Variants in SLC9A2 observed in about 807,000 individuals in gnomAD.
The protein encoded by SLC9A2 is solute carrier family 9 member A2, also known as sodium/hydrogen exchanger 2.
SLC9A2 carries 42 observed loss-of-function variants against 71.7 expected under a neutral mutation model. The ratio of observed to expected loss-of-function variants is 0.59; its 90% CI spans 0.46 to 0.76. The LOEUF (loss-of-function observed/expected upper bound fraction) is 0.76. Among genes scored for constraint, SLC9A2 ranks in the 30% least tolerant of loss-of-function variants. SLC9A2 has a pLI of 0.00. For synonymous variants in SLC9A2, 396 were observed against 392.5 expected (o/e 1.01, Z -0.10); for missense variants, 829 against 1,017.4 (o/e 0.81, Z 2.52).
intron 1 of SLC9A2, among the ~76,000 whole-genome samples, chr2:102,642,874 G>T (rs192751460): frequency 2.6e-5 from 4 of 152,184 alleles, no homozygotes; most frequent in Admixed American, 2.6e-4. Context: ...CTTCATATTG[G>T]TTGAGGGCTA....
At chr2:102,701,379 A>T (rs781397612) in intron 8 of SLC9A2, 148 bp downstream of exon 8, 1 of 575,282 alleles carries the variant, frequency 1.7e-6, no homozygotes, top group Non-Finnish European at 2.9e-6. Context: ...GGCATGAGCC[A>T]CTGTGCCCAG....
chr2:102,665,350 C>T lies in SLC9A2; in HGVS notation c.1004C>T (p.Ala335Val), dbSNP rs776620117. Reference protein sequence around the residue: ...AEMFHLSGIMAITACAMTMNK... With the variant: ...AEMFHLSGIMVITACAMTMNK... ...ATGTTTCACCTCTCAGGCATCATGGCGTAAGTACTTCTTTGTTAAAAGTGC... is the reference window on the plus strand; with the variant it reads ...ATGTTTCACCTCTCAGGCATCATGGTGTAAGTACTTCTTTGTTAAAAGTGC... The change falls in exon 3 of 12, where the codon GCA becomes GTA. Residue 335 changes from alanine (A) to valine (V), a missense_variant and splice_region_variant. Ala to Val is a moderately conservative substitution (Grantham distance 64). Transcript: ENST00000233969. The T allele has an allele frequency of 4.4e-6, 7 of 1,608,318 alleles. No homozygotes were observed. The highest frequency in any genetic ancestry group is 1.3e-5 in the African/African-American group (1 of 74,724).
At chr2:102,684,687 G>C (rs1677514050) in intron 5 of SLC9A2, among the ~76,000 whole-genome samples, 1 of 152,196 alleles carries the variant, frequency 6.6e-6, no homozygotes, top group Non-Finnish European at 1.5e-5. Flanking sequence ...ACAGCTATTT[G>C]ACATGAGTTG....
chr2:102,638,685 T>C (rs1437900353), intron 1 of SLC9A2, among the ~76,000 whole-genome samples: 3 of 152,236 alleles, frequency 2.0e-5, no homozygotes, highest in Non-Finnish European at 2.9e-5. Flanking sequence ...AGTGTGGAGA[T>C]GCACTTTCTT....
rs145995419 is a variant in SLC9A2, at chr2:102,708,536, G to A, written c.*47G>A. The A allele has an allele frequency of 2.2e-4, 352 of 1,569,290 alleles. No individual in the cohort carries two copies. In the African/African-American group the frequency reaches 4.2e-3, roughly 19 times the overall value. On this transcript the variant is annotated 3_prime_UTR_variant, in exon 12 of 12. Transcript: ENST00000233969. ...TGAGTGTCTGACCCAGGACAGCTGT[G>A]GTTTGTCACTCTGAAACCTGATGCA...
intron 3 of SLC9A2, among the ~76,000 whole-genome samples, chr2:102,676,167 A>G (rs1677342639): frequency 6.6e-6 from 1 of 152,222 alleles, no homozygotes. Context: ...TGTTGCATGC[A>G]GGTTTCACAT....
chr2:102,658,028 G>A lies in SLC9A2; in HGVS notation c.753+1G>A, dbSNP rs1676978129. 1.3e-6 allele frequency: 2 copies of A among 1,594,214 alleles called. No individual in the cohort carries two copies. The highest frequency in any genetic ancestry group is 8.6e-7 in the Non-Finnish European group (1 of 1,169,500). ...CCTGCTGAATGATGCAGTAACAGTGGTGAGTCACATTCACACTGCATGACT... is the reference window on the plus strand; with the variant it reads ...CCTGCTGAATGATGCAGTAACAGTGATGAGTCACATTCACACTGCATGACT... On this transcript the variant is annotated splice_donor_variant, in intron 2 of 11. Coordinates refer to ENST00000233969, the MANE Select transcript of SLC9A2 (RefSeq NM_003048.6). LOFTEE classifies it high-confidence loss of function.
chr2:102,695,161 C>G, intron 7 of SLC9A2, 48 bp downstream of exon 7: 1 of 1,294,192 alleles, frequency 7.7e-7, no homozygotes, highest in Non-Finnish European at 1.1e-6. Flanking sequence ...CAGGGTCATT[C>G]TGAAAGCAGG....
chr2:102,708,258 T>G lies in SLC9A2; in HGVS notation c.2208T>G (p.Asp736Glu). 6.2e-7 allele frequency: 1 copy of G among 1,614,148 alleles called. No individual in the cohort carries two copies. Among genetic ancestry groups the G allele is most frequent in the South Asian group, 1.1e-5 (1 of 91,080 alleles). The change falls in exon 12 of 12, where the codon GAT becomes GAG. Residue 736 changes from aspartate (D) to glutamate (E), a missense_variant. This residue lies in a region of SLC9A2 where 223 missense variants were observed against 197.5 expected (regional missense o/e 1.13). Transcript: ENST00000233969. ...AAATGGAATGGAAGAATGAGGTAGATGTTGATTCTGGCCGAGATATGCCCA... is the reference window on the plus strand; with the variant it reads ...AAATGGAATGGAAGAATGAGGTAGAGGTTGATTCTGGCCGAGATATGCCCA... ...SYKMEWKNEV[D>E]VDSGRDMPST...
intron 1 of SLC9A2, among the ~76,000 whole-genome samples, chr2:102,637,245 C>G (rs1188497787): frequency 6.6e-6 from 1 of 152,212 alleles, no homozygotes; most frequent in Non-Finnish European, 1.5e-5. Flanking sequence ...CCAAGGGCAG[C>G]TCTCAGTATT....
Position 102,665,081 on chromosome 2 carries a change from G to GC in SLC9A2, c.754-19_754-18insC, listed in dbSNP as rs1553426325. The stretch of plus-strand genomic sequence containing the variant: ...AAATGGGAAAGGGTCTTGACAAGGT[G>GC]TTTTTTTTTTTCCTGCAGGTCCTGT... On this transcript the variant is annotated intron_variant, in intron 2 of 11. Coordinates refer to ENST00000233969, the MANE Select transcript of SLC9A2 (RefSeq NM_003048.6). 9.0e-7 allele frequency: 1 copy of GC among 1,116,392 alleles called. No homozygotes were observed. The highest frequency in any genetic ancestry group is 1.2e-6 in the Non-Finnish European group (1 of 817,226). 69.2% of individuals were successfully genotyped at this position (1,116,392 alleles called of 1,614,324 possible).
chr2:102,638,263 T>C (rs1215455676), intron 1 of SLC9A2, among the ~76,000 whole-genome samples: 1 of 152,238 alleles, frequency 6.6e-6, no homozygotes, highest in Non-Finnish European at 1.5e-5. Context: ...GAGCTGATTA[T>C]GTGGGACACT....
chr2:102,642,013 G>A (rs988157456), intron 1 of SLC9A2, among the ~76,000 whole-genome samples: 21 of 121,982 alleles, frequency 1.7e-4, no homozygotes, highest in African/African-American at 3.3e-4. Flanking sequence ...AAACCTGCAC[G>A]TTATGCACAA....
chr2:102,643,826 A>T lies in SLC9A2; in HGVS notation c.290-13738A>T, dbSNP rs180714056. On this transcript the variant is annotated intron_variant, in intron 1 of 11. Transcript: ENST00000233969. Reference sequence around the variant, plus strand: ...TACTATGTTTCCCAGGCTGGAGTGCAGTGATTATTCATAGGCGTGATCCCA... The same window carrying T: ...TACTATGTTTCCCAGGCTGGAGTGCTGTGATTATTCATAGGCGTGATCCCA... Among the ~76,000 whole-genome samples the T allele has an allele frequency of 4.7e-4, 71 of 151,956 alleles. 1 individual carries two copies. The East Asian group carries it at 0.012, about 25-fold the overall frequency.
chr2:102,622,666 C>T (rs997770703), intron 1 of SLC9A2, among the ~76,000 whole-genome samples: 1 of 152,124 alleles, frequency 6.6e-6, no homozygotes, highest in Non-Finnish European at 1.5e-5. Flanking sequence ...AAGGCTTGTT[C>T]TTTTGGGAGG....
At chr2:102,704,960 C>G (rs1677946021) in intron 10 of SLC9A2, among the ~76,000 whole-genome samples, 1 of 152,158 alleles carries the variant, frequency 6.6e-6, no homozygotes, top group South Asian at 2.1e-4. Flanking sequence ...CTTTGGGAAG[C>G]CGAAGCCGAG....
At chr2:102,680,477 C>A (rs6726894) in intron 3 of SLC9A2, among the ~76,000 whole-genome samples, 6 of 151,824 alleles carry the variant, frequency 4.0e-5, no homozygotes, top group Admixed American at 1.3e-4. Context: ...GGCTGTTCTC[C>A]CAGTTCCTAT....
intron 1 of SLC9A2, among the ~76,000 whole-genome samples, chr2:102,643,910 CTT>C (rs11301515): frequency 1.8e-4 from 26 of 146,410 alleles, no homozygotes; most frequent in Admixed American, 3.4e-4. Flanking sequence ...CATTTTCTTA[CTT>C]TTTTTTTTTT....
chr2:102,645,043 G>T (rs1241341343), intron 1 of SLC9A2, among the ~76,000 whole-genome samples: 1 of 152,144 alleles, frequency 6.6e-6, no homozygotes, highest in African/African-American at 2.4e-5. Flanking sequence ...ACCTCATACA[G>T]GGGAGCTCTG....
Sources: allele counts gnomAD v4.1 joint callset (sites outside exome capture counted in the v4.1 genomes callset), GRCh38; gene constraint gnomAD v4.1.1; regional missense constraint gnomAD v4.1.1; transcripts MANE v1.5; gene names NCBI Gene and HGNC (gene_info 2026-07-23, HGNC 2026-07-21).